The following ATP6V1E1 variants were observed in gnomAD, a reference collection of about 807,000 sequenced individuals.
ATP6V1E1 encodes the protein ATPase H+ transporting V1 subunit E1.
In ATP6V1E1, 21 loss-of-function variants were observed where a neutral mutation model predicts 35.2. The observed-to-expected ratio is 0.60, with a 90% CI of 0.42 to 0.86. ATP6V1E1 has a LOEUF of 0.86. ATP6V1E1 is among the 40% of genes least tolerant of loss of function. ATP6V1E1 has a pLI of 0.00. For synonymous variants in ATP6V1E1, 83 were observed against 87.8 expected (o/e 0.95, Z 0.30); for missense variants, 183 against 272.6 (o/e 0.67, Z 2.32).
intron 1 of ATP6V1E1, among the ~76,000 whole-genome samples, chr22:17,627,209 G>A (rs918769317): frequency 1.4e-4 from 21 of 148,806 alleles, no homozygotes; most frequent in African/African-American, 4.0e-4. Context: ...GCCCAGGGTC[G>A]CTCGGCCTCC....
At chr22:17,604,943 C>A (rs562363665) in intron 4 of ATP6V1E1, among the ~76,000 whole-genome samples, 1 of 151,960 alleles carries the variant, frequency 6.6e-6, no homozygotes, top group Non-Finnish European at 1.5e-5. Context: ...TGGCTGGGTG[C>A]GGTTGCTCAC....
At chr22:17,614,992 G>T (rs925210170) in intron 2 of ATP6V1E1, among the ~76,000 whole-genome samples, 1 of 151,420 alleles carries the variant, frequency 6.6e-6, no homozygotes, top group Non-Finnish European at 1.5e-5. Flanking sequence ...ATGGGTAAGT[G>T]TCGCATATAT....
chr22:17,616,587 G>A (rs1457230363), intron 2 of ATP6V1E1, among the ~76,000 whole-genome samples: 1 of 150,300 alleles, frequency 6.7e-6, no homozygotes, highest in African/African-American at 2.5e-5. Context: ...GCTGAGGCAG[G>A]AGAATCGCTT....
intron 4 of ATP6V1E1, among the ~76,000 whole-genome samples, chr22:17,606,227 C>T (rs1485085342): frequency 6.6e-6 from 1 of 152,168 alleles, no homozygotes; most frequent in East Asian, 1.9e-4. Context: ...CTGTATTTTT[C>T]CCCTTCCTTC....
intron 7 of ATP6V1E1, among the ~76,000 whole-genome samples, chr22:17,595,685 G>T (rs1240153451): frequency 6.6e-6 from 1 of 152,176 alleles, no homozygotes; most frequent in Non-Finnish European, 1.5e-5. Flanking sequence ...GCTGGGCATG[G>T]TGGGGCGTGC....
intron 2 of ATP6V1E1, among the ~76,000 whole-genome samples, chr22:17,616,594 G>A (rs1234050038): frequency 8.1e-5 from 12 of 148,720 alleles, no homozygotes; most frequent in East Asian, 2.0e-4. Context: ...CAGGAGAATC[G>A]CTTGAACTCG....
intron 4 of ATP6V1E1, among the ~76,000 whole-genome samples, chr22:17,607,788 TA>T (rs1479096563): frequency 1.3e-5 from 2 of 152,174 alleles, no homozygotes; most frequent in East Asian, 3.9e-4. Context: ...GACTAGAATA[TA>T]AAAGTCTCTG....
chr22:17,599,923 C>CA lies in ATP6V1E1; in HGVS notation c.435+103dup, dbSNP rs372976189. The CA allele has an allele frequency of 0.029, 20,982 of 712,950 alleles. 459 individuals carry two copies. Among genetic ancestry groups the CA allele is most frequent in the African/African-American group, 0.18 (7,785 of 43,204 alleles). The allele number at this position is 712,950 out of a possible 1,614,324, so 44.2% of individuals were successfully genotyped here. A position where few individuals can be genotyped will look rare whatever the true frequency, so the allele number is the denominator to read the frequency against. On this transcript the variant is annotated intron_variant, in intron 6 of 8. Transcript: ENST00000253413. Reference sequence around the variant, plus strand: ...CCTGGACAACAGAGTGAGACTCCACCAAAAAAAAAAGAAAAGGAAGGAAGG... The same window carrying CA: ...CCTGGACAACAGAGTGAGACTCCACCAAAAAAAAAAAGAAAAGGAAGGAAGG...
At position 17,596,001 on chromosome 22, in the gene ATP6V1E1, G is replaced by A. The variant is rs187386128; in HGVS notation, c.531-1385C>T. Among the ~76,000 whole-genome samples the A allele has an allele frequency of 3.0e-4, 46 of 152,084 alleles. No homozygotes were observed. The East Asian group carries it at 8.3e-3, about 28-fold the overall frequency. ...AAAAAAATTAGCGAGGCATGGTGGC[G>A]GGTGCCTGTAGTCCCAGCTAATCGG... is the stretch of plus-strand genomic sequence containing the variant. On this transcript the variant is annotated intron_variant, in intron 7 of 8. Coordinates refer to ENST00000253413, the MANE Select transcript of ATP6V1E1 (RefSeq NM_001696.4).
chr22:17,610,899 T>A (rs191349609), intron 4 of ATP6V1E1, among the ~76,000 whole-genome samples: 2 of 152,298 alleles, frequency 1.3e-5, no homozygotes, highest in Non-Finnish European at 2.9e-5. Context: ...ATGACAAATG[T>A]TACATGCCAG....
intron 6 of ATP6V1E1, among the ~76,000 whole-genome samples, chr22:17,598,844 A>G (rs1436826226): frequency 2.0e-5 from 3 of 152,226 alleles, no homozygotes; most frequent in Non-Finnish European, 4.4e-5. Context: ...ACGGATAGAA[A>G]GCAGGACAGA....
chr22:17,626,060 ACTTTGGGAGGC>A (rs1392147228), intron 1 of ATP6V1E1, among the ~76,000 whole-genome samples: 1 of 151,888 alleles, frequency 6.6e-6, no homozygotes, highest in Non-Finnish European at 1.5e-5. Context: ...TAATCCCAGC[ACTTTGGGAGGC>A]CGAGGTGGGC....
At chr22:17,609,220 ACGGGATCTCAGCTCATT>A (rs2057802104) in intron 4 of ATP6V1E1, among the ~76,000 whole-genome samples, 1 of 147,588 alleles carries the variant, frequency 6.8e-6, no homozygotes, top group African/African-American at 2.5e-5. Context: ...GAGTGCAATG[ACGGGATCTCAGCTCATT>A]GCAACCTCCG....
At chr22:17,599,935 A>T in intron 6 of ATP6V1E1, 92 bp downstream of exon 6, 5 of 1,004,358 alleles carry the variant, frequency 5.0e-6, no homozygotes, top group Non-Finnish European at 4.4e-6. Context: ...AAAAAAAAAG[A>T]AAAGGAAGGA....
chr22:17,628,654 C>G lies in ATP6V1E1; in HGVS notation c.-19G>C. 1 of 1,614,172 alleles carries G rather than the reference C, an allele frequency of 6.2e-7. No homozygotes were observed. Among genetic ancestry groups the G allele is most frequent in the Admixed American group, 1.7e-5 (1 of 60,030 alleles). ...GAGCCATGGCGAGAGCAATGCTAGG[C>G]CGGTGAACAGTAGGCTCGAGTTTAG... On this transcript the variant is annotated 5_prime_UTR_variant, in exon 1 of 9. Transcript: ENST00000253413.
At chr22:17,610,251 T>C (rs2057808801) in intron 4 of ATP6V1E1, among the ~76,000 whole-genome samples, 1 of 133,154 alleles carries the variant, frequency 7.5e-6, no homozygotes, top group African/African-American at 4.2e-5. Context: ...TTAGAAAAAA[T>C]AACTAATAAA....
At chr22:17,608,448 C>G (rs1299738402) in intron 4 of ATP6V1E1, among the ~76,000 whole-genome samples, 3 of 152,158 alleles carry the variant, frequency 2.0e-5, no homozygotes, top group African/African-American at 7.2e-5. Flanking sequence ...TTTTTAGAGA[C>G]AGGGTCTCCC....
intron 1 of ATP6V1E1, among the ~76,000 whole-genome samples, chr22:17,622,950 G>T (rs1457081866): frequency 6.6e-6 from 1 of 152,148 alleles, no homozygotes; most frequent in African/African-American, 2.4e-5. Flanking sequence ...TGGGCAAGAA[G>T]AGCGAAACTC....
chr22:17,593,679 C>T (rs1047092122), intron 8 of ATP6V1E1, among the ~76,000 whole-genome samples: 1 of 152,152 alleles, frequency 6.6e-6, no homozygotes, highest in African/African-American at 2.4e-5. Context: ...ATGAAAAAAT[C>T]AAGGTGAAAG....
Sources: allele counts gnomAD v4.1 joint callset (sites outside exome capture counted in the v4.1 genomes callset), GRCh38; gene constraint gnomAD v4.1.1; transcripts MANE v1.5; gene names NCBI Gene and HGNC (gene_info 2026-07-23, HGNC 2026-07-21).